MBD5: variants seen among roughly 807,000 people sequenced by gnomAD.
The protein encoded by MBD5 is methyl-CpG binding domain protein 5.
A neutral mutation model predicts 117.3 loss-of-function variants in MBD5; 13 were observed. The observed-to-expected ratio is 0.11, with a 90% CI of 0.07 to 0.18. MBD5 has a LOEUF of 0.18. Ranked by LOEUF, MBD5 falls within the 10% of genes least tolerant of loss-of-function variation. The pLI, the probability that MBD5 is intolerant of heterozygous loss-of-function variation, is 1.00. For missense variants in MBD5, 1,879 were observed against 2,093.8 expected, an observed-to-expected ratio of 0.90 and a Z score of 2.00; for synonymous variants, 727 against 766.4, an observed-to-expected ratio of 0.95 and a Z score of 0.85.
At chr2:148,057,903 G>C (rs1378817819) in intron 1 of MBD5, among the ~76,000 whole-genome samples, 1 of 151,816 alleles carries the variant, frequency 6.6e-6, no homozygotes, top group African/African-American at 2.4e-5. Context: ...GTTTGCTTTT[G>C]TTTTCTGGGT....
At chr2:148,117,236 G>A (rs943404126) in intron 1 of MBD5, among the ~76,000 whole-genome samples, 4 of 151,508 alleles carry the variant, frequency 2.6e-5, no homozygotes, top group South Asian at 4.2e-4. Flanking sequence ...AGATTATGAC[G>A]AAAAGTTAGA....
chr2:148,038,976 C>T (rs986504071), intron 1 of MBD5, among the ~76,000 whole-genome samples: 13 of 151,978 alleles, frequency 8.6e-5, no homozygotes, highest in Admixed American at 8.5e-4. Context: ...ATTGAGTCTG[C>T]AAAGCTAGAC....
intron 3 of MBD5, among the ~76,000 whole-genome samples, chr2:148,269,524 A>T (rs1700934413): frequency 6.6e-6 from 1 of 151,780 alleles, no homozygotes; most frequent in Non-Finnish European, 1.5e-5. Flanking sequence ...TTTTCTCACA[A>T]CTTTTAAGAC....
chr2:148,399,490 A>T (rs1320632358), intron 4 of MBD5, among the ~76,000 whole-genome samples: 1 of 152,138 alleles, frequency 6.6e-6, no homozygotes, highest in African/African-American at 2.4e-5. Flanking sequence ...TTGTGATTTT[A>T]GCACATGGAT....
chr2:148,447,821 A>C (rs543007554), intron 4 of MBD5: 2 of 152,192 alleles, frequency 1.3e-5, no homozygotes, highest in South Asian at 4.1e-4. Flanking sequence ...ATTATTCTTA[A>C]ACCATGTGCA....
chr2:148,355,316 T>G (rs1198766066), intron 4 of MBD5, among the ~76,000 whole-genome samples: 5 of 151,414 alleles, frequency 3.3e-5, no homozygotes, highest in African/African-American at 4.8e-5. Context: ...TTTTTTTTTT[T>G]GCCATTGCTT....
intron 9 of MBD5, 128 bp from the exon 10 acceptor site, chr2:148,485,614 A>T: frequency 1.4e-6 from 1 of 725,558 alleles, no homozygotes; most frequent in South Asian, 1.6e-5. Flanking sequence ...TTGAGAAGTA[A>T]AAAAGAAAAG....
At chr2:148,415,330 G>A (rs1329937182) in intron 4 of MBD5, among the ~76,000 whole-genome samples, 1 of 152,114 alleles carries the variant, frequency 6.6e-6, no homozygotes, top group Non-Finnish European at 1.5e-5. Context: ...TCTGCTGAAA[G>A]GTCCACTGTT....
intron 1 of MBD5, among the ~76,000 whole-genome samples, chr2:148,170,430 G>T (rs943335366): frequency 1.3e-5 from 2 of 152,236 alleles, no homozygotes; most frequent in Non-Finnish European, 2.9e-5. Context: ...GAAGAAATTT[G>T]GAATCTTTTA....
intron 4 of MBD5, among the ~76,000 whole-genome samples, chr2:148,396,621 G>A (rs1704722330): frequency 6.6e-6 from 1 of 152,064 alleles, no homozygotes; most frequent in Admixed American, 6.6e-5. Context: ...TCTCCACCTT[G>A]CTCTTTGTGC....
intron 3 of MBD5, among the ~76,000 whole-genome samples, chr2:148,295,345 T>C (rs912636507): frequency 6.6e-6 from 1 of 152,238 alleles, no homozygotes; most frequent in Admixed American, 6.5e-5. Context: ...AGTGAATTTC[T>C]TATTTCATTG....
chr2:148,417,422 A>G (rs1015324397), intron 4 of MBD5, among the ~76,000 whole-genome samples: 1 of 151,312 alleles, frequency 6.6e-6, no homozygotes. Context: ...TACAGGCATG[A>G]GCCACTGTGC....
intron 1 of MBD5, among the ~76,000 whole-genome samples, chr2:148,132,560 C>A (rs1053181777): frequency 1.1e-4 from 17 of 152,030 alleles, no homozygotes; most frequent in Non-Finnish European, 1.0e-4. Flanking sequence ...CCTCATACAT[C>A]TTTTCCCATC....
At chr2:148,043,345 C>T (rs1455685013) in intron 1 of MBD5, among the ~76,000 whole-genome samples, 1 of 151,618 alleles carries the variant, frequency 6.6e-6, no homozygotes, top group Non-Finnish European at 1.5e-5. Flanking sequence ...CCCAGCTACT[C>T]CTGAGGCTGA....
chr2:148,062,102 G>A (rs1695051533), intron 1 of MBD5: 1 of 151,680 alleles, frequency 6.6e-6, no homozygotes, highest in Admixed American at 6.6e-5. Context: ...TTACATATTA[G>A]ATTGAAAGCA....
intron 4 of MBD5, among the ~76,000 whole-genome samples, chr2:148,397,393 G>C (rs1704754152): frequency 7.3e-6 from 1 of 137,354 alleles, no homozygotes; most frequent in Non-Finnish European, 1.5e-5. Context: ...GCAGTGGCAC[G>C]ATCTCGGCTC....
At chr2:148,231,043 C>G (rs1699970296) in intron 2 of MBD5, among the ~76,000 whole-genome samples, 1 of 152,146 alleles carries the variant, frequency 6.6e-6, no homozygotes, top group South Asian at 2.1e-4. Context: ...CCCTTCCCCA[C>G]CCTGGCTGGT....
At chr2:148,253,998 G>A (rs78888436) in intron 3 of MBD5, among the ~76,000 whole-genome samples, 19,251 of 152,160 alleles carry the variant, frequency 0.13, 1,466 homozygotes, top group Non-Finnish European at 0.18. Context: ...CACGCTCTAG[G>A]CCAGGGGCAC....
chr2:148,271,107 G>T (rs1390381011), intron 3 of MBD5, among the ~76,000 whole-genome samples: 1 of 152,074 alleles, frequency 6.6e-6, no homozygotes, highest in African/African-American at 2.4e-5. Context: ...TTAAAATATG[G>T]AGTCTGTAAT....
Sources: gnomAD v4.1 joint callset for allele counts (sites outside exome capture counted in the v4.1 genomes callset) on GRCh38, gnomAD v4.1.1 for gene constraint, MANE v1.5 for transcripts, NCBI Gene and HGNC (gene_info 2026-07-23, HGNC 2026-07-21) for gene names.